The following KATNAL1 variants were observed in gnomAD, a reference collection of about 807,000 sequenced individuals.
KATNAL1 encodes the protein katanin catalytic subunit A1 like 1.
A neutral mutation model predicts 55.2 loss-of-function variants in KATNAL1; 32 were observed. The observed-to-expected ratio is 0.58, with a 90% confidence interval of 0.44 to 0.78. KATNAL1 has a LOEUF of 0.78. Ranked by LOEUF, KATNAL1 falls within the 30% of genes least tolerant of loss-of-function variation. The pLI, the probability that KATNAL1 is intolerant of heterozygous loss-of-function variation, is 0.00. For synonymous variants in KATNAL1, 193 were observed against 193.6 expected (o/e 1.00, Z 0.02); for missense variants, 466 against 600.9 (o/e 0.78, Z 2.35).
At chr13:30,279,933 G>A in intron 3 of KATNAL1, 130 bp downstream of exon 3, 1 of 743,864 alleles carries the variant, frequency 1.3e-6, no homozygotes, top group Non-Finnish European at 2.1e-6. Flanking sequence ...ATGTATAAAT[G>A]TGAATATTAA....
At chr13:30,230,291 A>G (rs559305519) in intron 8 of KATNAL1, among the ~76,000 whole-genome samples, 177 bp downstream of exon 8, 1 of 152,378 alleles carries the variant, frequency 6.6e-6, no homozygotes, top group Non-Finnish European at 1.5e-5. Flanking sequence ...GAAATGGTGC[A>G]TGATCTCTAA....
At chr13:30,262,415 T>G (rs1164146779) in intron 3 of KATNAL1, among the ~76,000 whole-genome samples, 2 of 152,026 alleles carry the variant, frequency 1.3e-5, no homozygotes, top group Non-Finnish European at 2.9e-5. Context: ...CTTCAAAAAA[T>G]TAATGAATCC....
chr13:30,230,461 C>T lies in KATNAL1; in HGVS notation c.1012+7G>A. On this transcript the variant is annotated splice_region_variant and intron_variant, in intron 8 of 10. Coordinates refer to ENST00000380615, the MANE Select transcript of KATNAL1 (RefSeq NM_032116.5). ...GAGTTTTGAAACAATAATTAAATAT[C>T]AATTACCATCCATCTGAATGAGCAG... 6.2e-7 allele frequency: 1 copy of T among 1,601,872 alleles called. No homozygotes were observed. Among genetic ancestry groups the T allele is most frequent in the Non-Finnish European group, 8.5e-7 (1 of 1,176,056 alleles).
chr13:30,298,379 A>G (rs995748264), intron 1 of KATNAL1, among the ~76,000 whole-genome samples: 3 of 152,202 alleles, frequency 2.0e-5, no homozygotes, highest in Non-Finnish European at 2.9e-5. Context: ...CATTATATAG[A>G]CATACTAAAA....
At chr13:30,262,887 GATACCAAA>G (rs1879425437) in intron 3 of KATNAL1, among the ~76,000 whole-genome samples, 1 of 152,064 alleles carries the variant, frequency 6.6e-6, no homozygotes, top group Non-Finnish European at 1.5e-5. Flanking sequence ...GCATCATCCT[GATACCAAA>G]GCCGGGCAGA....
chr13:30,244,521 A>G (rs1877594113), intron 4 of KATNAL1, among the ~76,000 whole-genome samples: 1 of 152,156 alleles, frequency 6.6e-6, no homozygotes, highest in Non-Finnish European at 1.5e-5. Context: ...ACAATGGTTG[A>G]ACTAGTTTAC....
rs1205612001 is a variant in KATNAL1, at chr13:30,203,875, T to TA, written c.*4664dup. The TA allele has an allele frequency of 4.6e-5, 7 of 151,698 alleles. No homozygotes were observed. The highest frequency in any genetic ancestry group is 3.9e-4 in the Admixed American group (6 of 15,266). 9.4% of individuals were successfully genotyped at this position (151,698 alleles called of 1,614,324 possible). On this transcript the variant is annotated 3_prime_UTR_variant, in exon 11 of 11. Coordinates refer to ENST00000380615, the MANE Select transcript of KATNAL1 (RefSeq NM_032116.5). ...AATTTCCACATTAAGAAACAAATATTAAAAGCAAATGTCAAAAAAATTTAA... is the reference window on the plus strand; with the variant it reads ...AATTTCCACATTAAGAAACAAATATTAAAAAGCAAATGTCAAAAAAATTTAA...
At chr13:30,273,670 A>G (rs1880544768) in intron 3 of KATNAL1, among the ~76,000 whole-genome samples, 1 of 152,248 alleles carries the variant, frequency 6.6e-6, no homozygotes, top group Admixed American at 6.5e-5. Context: ...TTTAGAAGAT[A>G]ATATGACTCC....
intron 6 of KATNAL1, among the ~76,000 whole-genome samples, chr13:30,234,324 CTAT>C (rs1350158616): frequency 6.6e-6 from 1 of 152,156 alleles, no homozygotes; most frequent in Non-Finnish European, 1.5e-5. Flanking sequence ...ATGGTTTATG[CTAT>C]TTCTTCCTCA....
At chr13:30,268,097 G>A (rs1005067524) in intron 3 of KATNAL1, among the ~76,000 whole-genome samples, 1 of 152,182 alleles carries the variant, frequency 6.6e-6, no homozygotes, top group Non-Finnish European at 1.5e-5. Context: ...CCATCCTCAT[G>A]TGATTTATGA....
Position 30,227,536 on chromosome 13 carries a change from T to TCCTC in KATNAL1, c.1019_1022dup (p.Ala342ArgfsTer6). On this transcript the variant is annotated frameshift_variant, in exon 9 of 11. Transcript: ENST00000380615. LOFTEE classifies it high-confidence loss of function. ...TGGAAGGATCATCATTTTCTAAAGC[T>TCCTC]CCTCCAACTCCTATACACAGTAAGG... 1 of 1,613,718 alleles carries TCCTC rather than the reference T, an allele frequency of 6.2e-7. No homozygotes were observed. Among genetic ancestry groups the TCCTC allele is most frequent in the South Asian group, 1.1e-5 (1 of 91,054 alleles).
At chr13:30,273,541 T>A (rs1266854325) in intron 3 of KATNAL1, among the ~76,000 whole-genome samples, 1 of 152,210 alleles carries the variant, frequency 6.6e-6, no homozygotes, top group East Asian at 1.9e-4. Flanking sequence ...AAAAGCACAA[T>A]ACCTGGTTCA....
chr13:30,209,497 A>G (rs1469298355), intron 10 of KATNAL1, among the ~76,000 whole-genome samples: 2 of 152,240 alleles, frequency 1.3e-5, no homozygotes, highest in Non-Finnish European at 2.9e-5. Flanking sequence ...TGTGGCTTTA[A>G]AGAAAGGCTA....
intron 4 of KATNAL1, among the ~76,000 whole-genome samples, chr13:30,246,888 G>A (rs1402110851): frequency 6.6e-6 from 1 of 152,014 alleles, no homozygotes; most frequent in African/African-American, 2.4e-5. Flanking sequence ...TTTTTAAAAA[G>A]TGATTTTGAA....
In KATNAL1 at chr13:30,300,620, C is replaced by T. The variant is rs1420926225; in HGVS notation, c.-15+6711G>A. ...TTAAGGAAACACATAACCATGACTT[C>T]TCAAATTAATGCATCCTGAAGTATG... is the stretch of plus-strand genomic sequence containing the variant. On this transcript the variant is annotated intron_variant, in intron 1 of 10. Transcript: ENST00000380615. Among the ~76,000 whole-genome samples the T allele has an allele frequency of 2.0e-5, 3 of 152,098 alleles. No individual in the cohort carries two copies. The South Asian group carries it at 6.2e-4, about 32-fold the overall frequency.
chr13:30,263,155 G>T (rs989981590), intron 3 of KATNAL1, among the ~76,000 whole-genome samples: 11 of 152,104 alleles, frequency 7.2e-5, no homozygotes, highest in African/African-American at 2.7e-4. Flanking sequence ...AAAGGCCTTT[G>T]ACAAAATTCA....
At chr13:30,279,482 A>C (rs1232339617) in intron 3 of KATNAL1, among the ~76,000 whole-genome samples, 1 of 152,210 alleles carries the variant, frequency 6.6e-6, no homozygotes, top group Non-Finnish European at 1.5e-5. Context: ...TATTCCTTGA[A>C]GAAAGAAGAG....
chr13:30,294,694 T>C (rs1022301942), intron 1 of KATNAL1, among the ~76,000 whole-genome samples: 10 of 152,214 alleles, frequency 6.6e-5, no homozygotes, highest in African/African-American at 2.2e-4. Context: ...TAGCCTTCTA[T>C]TGGAAAAATA....
chr13:30,282,931 G>A (rs1881484650), intron 2 of KATNAL1, among the ~76,000 whole-genome samples: 1 of 147,810 alleles, frequency 6.8e-6, no homozygotes, highest in Admixed American at 6.8e-5. Flanking sequence ...CTCCAGCCTG[G>A]GAAACAGAGT....
Sources: gnomAD v4.1 joint callset for allele counts (sites outside exome capture counted in the v4.1 genomes callset) on GRCh38, gnomAD v4.1.1 for gene constraint, MANE v1.5 for transcripts, NCBI Gene and HGNC (gene_info 2026-07-23, HGNC 2026-07-21) for gene names.